DZIP3: variants seen among roughly 807,000 people sequenced by gnomAD.
DZIP3 encodes the protein E3 ubiquitin-protein ligase DZIP3.
DZIP3 carries 118 observed loss-of-function variants against 162.0 expected under a neutral mutation model. The ratio of observed to expected loss-of-function variants is 0.73; its 90% CI spans 0.63 to 0.85. The LOEUF is 0.85. Ranked by LOEUF, DZIP3 falls within the 40% of genes least tolerant of loss-of-function variation. The pLI is 0.00. For synonymous variants in DZIP3, 438 were observed against 458.6 expected (o/e 0.96, Z 0.57); for missense variants, 1,331 against 1,407.0 (o/e 0.95, Z 0.86).
intron 21 of DZIP3, among the ~76,000 whole-genome samples, chr3:108,664,050 A>G (rs1318809426): frequency 2.0e-5 from 3 of 152,224 alleles, no homozygotes; most frequent in Admixed American, 1.3e-4. Flanking sequence ...ATATAGCACA[A>G]CAGACAAGCA....
At chr3:108,663,695 T>C (rs1339485365) in intron 21 of DZIP3, among the ~76,000 whole-genome samples, 1 of 152,202 alleles carries the variant, frequency 6.6e-6, no homozygotes, top group African/African-American at 2.4e-5. Context: ...GAGCTACCTC[T>C]CTTCCATCTG....
chr3:108,644,021 A>G, intron 13 of DZIP3, 143 bp from the exon 14 acceptor site: 1 of 975,442 alleles, frequency 1.0e-6, no homozygotes, highest in Non-Finnish European at 1.4e-6. Context: ...CTAATTGAGC[A>G]CTGGCTGTGG....
intron 22 of DZIP3, 47 bp from the exon 23 acceptor site, chr3:108,672,513 C>G (rs192914737): frequency 6.8e-7 from 1 of 1,467,108 alleles, no homozygotes; most frequent in Admixed American, 1.7e-5. Context: ...ATGAAAAAGG[C>G]TCTGCTTGAT....
chr3:108,684,138 T>G, intron 26 of DZIP3, 78 bp from the exon 27 acceptor site: 1 of 1,496,898 alleles, frequency 6.7e-7, no homozygotes, highest in South Asian at 1.4e-5. Context: ...GCTGTATGAA[T>G]TTAGATGATT....
chr3:108,675,760 C>A (rs1332287577), intron 24 of DZIP3, 26 bp from the exon 25 acceptor site: 2 of 1,578,096 alleles, frequency 1.3e-6, no homozygotes. Flanking sequence ...AAAGAGTTTT[C>A]TTTTGTGTCT....
chr3:108,656,418 C>T (rs1042687376), intron 19 of DZIP3, among the ~76,000 whole-genome samples: 13 of 152,168 alleles, frequency 8.5e-5, no homozygotes, highest in Non-Finnish European at 1.8e-4. Flanking sequence ...CTCCAACAGA[C>T]CTGCAGCTGA....
At chr3:108,614,313 A>C (rs1940880999) in intron 4 of DZIP3, among the ~76,000 whole-genome samples, 1 of 152,240 alleles carries the variant, frequency 6.6e-6, no homozygotes, top group East Asian at 1.9e-4. Context: ...ATTGAAGATA[A>C]TAGAGATAAT....
At chr3:108,678,526 A>G (rs145479520) in intron 26 of DZIP3, among the ~76,000 whole-genome samples, 313 of 152,098 alleles carry the variant, frequency 2.1e-3, no homozygotes, top group African/African-American at 6.2e-3. Context: ...TTTATATTCT[A>G]TTCTACCTCC....
At chr3:108,674,666 T>G (rs1285683171) in intron 24 of DZIP3, among the ~76,000 whole-genome samples, 1 of 151,952 alleles carries the variant, frequency 6.6e-6, no homozygotes, top group Non-Finnish European at 1.5e-5. Context: ...AACATCAGTA[T>G]TAACACCTAA....
At chr3:108,671,764 T>G (rs544556825) in intron 22 of DZIP3, among the ~76,000 whole-genome samples, 1 of 152,128 alleles carries the variant, frequency 6.6e-6, no homozygotes, top group South Asian at 2.1e-4. Flanking sequence ...TAGTGCTTAT[T>G]ATGTGCCAAA....
chr3:108,603,200 G>A (rs1940129638), intron 1 of DZIP3: 1 of 152,194 alleles, frequency 6.6e-6, no homozygotes, highest in South Asian at 2.1e-4. Flanking sequence ...TGAGGGGATT[G>A]TTATCTGGAA....
At chr3:108,675,929 G>A in intron 25 of DZIP3, 56 bp downstream of exon 25, 1 of 1,446,186 alleles carries the variant, frequency 6.9e-7, no homozygotes, top group Non-Finnish European at 9.5e-7. Flanking sequence ...GTGGTGTAAA[G>A]TTAGAAGACA....
chr3:108,626,002 T>G, intron 7 of DZIP3, 33 bp downstream of exon 7: 2 of 1,601,100 alleles, frequency 1.2e-6, no homozygotes. Context: ...AGATGTTGCC[T>G]GTGAAGTCTC....
At chr3:108,692,809 G>C (rs747260974) in intron 32 of DZIP3, among the ~76,000 whole-genome samples, 199 of 151,404 alleles carry the variant, frequency 1.3e-3, no homozygotes, top group Non-Finnish European at 1.8e-3. Flanking sequence ...ATACCTTTTT[G>C]TCCAATCATT....
At chr3:108,654,426 G>A (rs771920518) in intron 19 of DZIP3, 116 bp downstream of exon 19, 13 of 1,162,834 alleles carry the variant, frequency 1.1e-5, no homozygotes, top group South Asian at 2.5e-5. Context: ...TTTGTGAGGA[G>A]AAAGAGAAAA....
intron 12 of DZIP3, among the ~76,000 whole-genome samples, chr3:108,642,165 T>C (rs949220890): frequency 1.3e-5 from 2 of 152,188 alleles, no homozygotes; most frequent in Non-Finnish European, 1.5e-5. Context: ...TTCCTTTTTT[T>C]TCTGCTACCA....
chr3:108,651,079 C>T (rs1221758658), intron 17 of DZIP3, 58 bp from the exon 18 acceptor site: 7 of 587,100 alleles, frequency 1.2e-5, no homozygotes, highest in African/African-American at 4.1e-5. Flanking sequence ...AATTATATTA[C>T]TAGTATGTTG....
intron 19 of DZIP3, among the ~76,000 whole-genome samples, chr3:108,659,172 G>A (rs989599379): frequency 3.3e-5 from 5 of 152,026 alleles, no homozygotes; most frequent in African/African-American, 7.2e-5. Context: ...TAGCAAAGCC[G>A]GGCAGAGACA....
intron 4 of DZIP3, among the ~76,000 whole-genome samples, chr3:108,612,457 A>G (rs1016579007): frequency 3.3e-5 from 5 of 152,186 alleles, no homozygotes; most frequent in Admixed American, 1.3e-4. Flanking sequence ...TCACTTAGAA[A>G]CAACAAGACA....
Sources: allele counts gnomAD v4.1 joint callset (sites outside exome capture counted in the v4.1 genomes callset), GRCh38; gene constraint gnomAD v4.1.1; transcripts MANE v1.5; gene names NCBI Gene and HGNC (gene_info 2026-07-23, HGNC 2026-07-21).